Variants in MAGI1 observed in about 807,000 individuals in gnomAD.
MAGI1 encodes membrane associated guanylate kinase, WW and PDZ domain containing 1.
A neutral mutation model predicts 139.9 loss-of-function variants in MAGI1; 58 were observed. The observed-to-expected ratio is 0.41, with a 90% CI of 0.34 to 0.52. The LOEUF (loss-of-function observed/expected upper bound fraction) is 0.52. Ranked by LOEUF, MAGI1 falls within the 20% of genes least tolerant of loss-of-function variation. The pLI, the probability that MAGI1 is intolerant of heterozygous loss-of-function variation, is 0.12. For synonymous variants in MAGI1, 812 were observed against 737.9 expected, an observed-to-expected ratio of 1.10 and a Z score of -1.63; for missense variants, 1,874 against 1,901.6, an observed-to-expected ratio of 0.99 and a Z score of 0.27.
intron 1 of MAGI1, among the ~76,000 whole-genome samples, chr3:65,911,059 T>C (rs979502846): frequency 6.6e-6 from 1 of 151,398 alleles, no homozygotes; most frequent in Non-Finnish European, 1.5e-5. Context: ...GGTTTCACCA[T>C]ATTGGTCAGG....
intron 1 of MAGI1, among the ~76,000 whole-genome samples, chr3:65,979,823 G>A (rs1034158219): frequency 2.6e-5 from 4 of 152,264 alleles, no homozygotes; most frequent in African/African-American, 7.2e-5. Flanking sequence ...CAGGCCAAGA[G>A]ACCAAAAATT....
At chr3:65,823,412 T>C (rs2042053215) in intron 1 of MAGI1, among the ~76,000 whole-genome samples, 1 of 152,248 alleles carries the variant, frequency 6.6e-6, no homozygotes, top group African/African-American at 2.4e-5. Flanking sequence ...GCACAGTTCC[T>C]AATACATAGT....
chr3:65,772,173 G>A (rs546439549), intron 1 of MAGI1, among the ~76,000 whole-genome samples: 1 of 152,222 alleles, frequency 6.6e-6, no homozygotes, highest in South Asian at 2.1e-4. Context: ...TCCAGCTTGA[G>A]CGACAGAGCA....
Position 65,391,169 on chromosome 3 carries a change from G to C in MAGI1, c.2389C>G (p.Gln797Glu). ...CGGTTTTCATACATGCTCCTGGACT[G>C]GGCCCAGATTTTAAAAGGATCTGGT... The part of the protein sequence containing the change: ...KKPDPFKIWA[Q>E]SRSMYENRLP... The change falls in exon 14 of 23, where the codon CAG (glutamine) becomes GAG (glutamate). Residue 797 changes from glutamine to glutamate, a missense_variant. Gln to Glu is a conservative substitution (Grantham distance 29). Transcript: ENST00000402939. 1 of 1,614,206 alleles carries C rather than the reference G, an allele frequency of 6.2e-7. No individual in the cohort carries two copies. Among genetic ancestry groups the C allele is most frequent in the South Asian group, 1.1e-5 (1 of 91,084 alleles).
chr3:65,964,524 A>T (rs1414734955), intron 1 of MAGI1, among the ~76,000 whole-genome samples: 3 of 148,244 alleles, frequency 2.0e-5, no homozygotes, highest in Admixed American at 1.4e-4. Context: ...TCTTGGGGGT[A>T]GTGCGGGGGC....
chr3:65,359,480 C>A, intron 22 of MAGI1: 2 of 1,074,272 alleles, frequency 1.9e-6, no homozygotes, highest in Non-Finnish European at 1.1e-6. Flanking sequence ...CATAGGAGAG[C>A]ATTAACAATA....
chr3:65,555,097 C>T (rs561433047), intron 2 of MAGI1, among the ~76,000 whole-genome samples: 2 of 152,282 alleles, frequency 1.3e-5, no homozygotes, highest in East Asian at 1.9e-4. Flanking sequence ...AATGGGAACA[C>T]GCCATACAAT....
chr3:65,910,737 C>T (rs1009678418), intron 1 of MAGI1, among the ~76,000 whole-genome samples: 2 of 152,008 alleles, frequency 1.3e-5, no homozygotes, highest in African/African-American at 2.4e-5. Flanking sequence ...TCCCAAAATA[C>T]CTCTTTAATT....
intron 1 of MAGI1, among the ~76,000 whole-genome samples, chr3:65,759,502 A>T (rs1165097096): frequency 6.6e-6 from 1 of 152,210 alleles, no homozygotes; most frequent in Non-Finnish European, 1.5e-5. Flanking sequence ...TAAGCAAGCA[A>T]CCAAAAGGTT....
intron 6 of MAGI1, 129 bp downstream of exon 6, chr3:65,453,129 T>C: frequency 1.3e-6 from 1 of 758,576 alleles, no homozygotes; most frequent in Non-Finnish European, 2.3e-6. Flanking sequence ...ACAGTCCATT[T>C]AGCAGAAATT....
At chr3:65,897,301 AGGCAGGAGGATAGC>A (rs2061011497) in intron 1 of MAGI1, among the ~76,000 whole-genome samples, 1 of 152,094 alleles carries the variant, frequency 6.6e-6, no homozygotes, top group Non-Finnish European at 1.5e-5. Flanking sequence ...TGAGGGGCCA[AGGCAGGAGGATAGC>A]TTAAGCCCAG....
chr3:65,439,399 C>A (rs941501418), intron 9 of MAGI1, among the ~76,000 whole-genome samples: 2 of 152,026 alleles, frequency 1.3e-5, no homozygotes, highest in African/African-American at 4.8e-5. Flanking sequence ...TCTATACTCC[C>A]GAATTGCCCA....
chr3:65,968,748 A>C (rs1560065945), intron 1 of MAGI1, among the ~76,000 whole-genome samples: 1 of 152,082 alleles, frequency 6.6e-6, no homozygotes, highest in Admixed American at 6.6e-5. Context: ...TTATGATTGA[A>C]TTTTTTAATT....
chr3:65,597,919 C>CGGGG, intron 2 of MAGI1: 2 of 165,134 alleles, frequency 1.2e-5, no homozygotes, highest in Non-Finnish European at 1.2e-5. Context: ...TAAAGAGAGG[C>CGGGG]GGGGGTGGGG....
At chr3:65,778,412 A>G (rs1315325645) in intron 1 of MAGI1, among the ~76,000 whole-genome samples, 1 of 133,730 alleles carries the variant, frequency 7.5e-6, no homozygotes, top group Non-Finnish European at 1.6e-5. Flanking sequence ...CCTGGGCAAC[A>G]AGAGTGAAAC....
chr3:65,759,065 C>CAAAAAAAAAAAAA (rs200497203), intron 1 of MAGI1, among the ~76,000 whole-genome samples: 6 of 73,070 alleles, frequency 8.2e-5, no homozygotes, highest in African/African-American at 3.3e-4. Flanking sequence ...AGGCCCAGTG[C>CAAAAAAAAAAAAA]AAAAAAAAAA....
chr3:65,395,127 C>T (rs1452118461), intron 13 of MAGI1, among the ~76,000 whole-genome samples: 1 of 152,090 alleles, frequency 6.6e-6, no homozygotes, highest in Non-Finnish European at 1.5e-5. Context: ...CCAATAAATA[C>T]ATAGGATCAC....
intron 1 of MAGI1, among the ~76,000 whole-genome samples, chr3:65,891,988 T>C (rs1031170522): frequency 2.1e-5 from 3 of 140,800 alleles, no homozygotes; most frequent in South Asian, 2.3e-4. Context: ...CCAGTTATTA[T>C]AGGATTATGC....
At chr3:65,537,543 G>T (rs2079016614) in intron 2 of MAGI1, among the ~76,000 whole-genome samples, 1 of 152,144 alleles carries the variant, frequency 6.6e-6, no homozygotes, top group Non-Finnish European at 1.5e-5. Context: ...GGAAAGAATG[G>T]CAGTGGGGGA....
Sources: gnomAD v4.1 joint callset for allele counts (sites outside exome capture counted in the v4.1 genomes callset) on GRCh38, gnomAD v4.1.1 for gene constraint, MANE v1.5 for transcripts, NCBI Gene and HGNC (gene_info 2026-07-23, HGNC 2026-07-21) for gene names.